The following OPCML variants were observed in gnomAD, a reference collection of about 807,000 sequenced individuals.
The protein encoded by OPCML is opioid binding protein/cell adhesion molecule like.
Under a neutral mutation model 37.8 loss-of-function variants are expected in OPCML, and 13 were observed. The ratio of observed to expected loss-of-function variants is 0.34; its 90% CI spans 0.22 to 0.55. The LOEUF is 0.55. Ranked by LOEUF, OPCML falls within the 20% of genes least tolerant of loss-of-function variation. The pLI, the probability that OPCML is intolerant of heterozygous loss-of-function variation, is 0.91. For missense variants in OPCML, 341 were observed against 435.6 expected (o/e 0.78, Z 1.93); for synonymous variants, 176 against 168.8 (o/e 1.04, Z -0.33).
intron 1 of OPCML, chr11:133,422,641 A>C: frequency 1.0e-6 from 1 of 978,712 alleles, no homozygotes; most frequent in Non-Finnish European, 1.2e-6. Flanking sequence ...ATGGGTGTGA[A>C]CCACTGAGCC....
chr11:132,421,174 G>C (rs2095957670), intron 7 of OPCML, among the ~76,000 whole-genome samples: 1 of 152,184 alleles, frequency 6.6e-6, no homozygotes, highest in African/African-American at 2.4e-5. Context: ...ACTTGGACCA[G>C]GTGTTCCTCC....
intron 2 of OPCML, among the ~76,000 whole-genome samples, chr11:132,782,917 G>GTGTC (rs376141259): frequency 1.8e-4 from 22 of 125,080 alleles, no homozygotes; most frequent in African/African-American, 5.8e-4. Context: ...TATAGTGTGT[G>GTGTC]TATATATATA....
intron 1 of OPCML, among the ~76,000 whole-genome samples, chr11:133,346,988 A>G (rs1212099800): frequency 1.3e-5 from 2 of 152,212 alleles, no homozygotes; most frequent in Admixed American, 6.5e-5. Context: ...ACAGTTTCAC[A>G]TTATCTTAAA....
chr11:133,352,964 C>T (rs1166850313), intron 1 of OPCML, among the ~76,000 whole-genome samples: 1 of 152,182 alleles, frequency 6.6e-6, no homozygotes, highest in East Asian at 1.9e-4. Context: ...GATAATGATA[C>T]ATTAAATTAG....
At chr11:133,325,417 G>A (rs1943427323) in intron 1 of OPCML, among the ~76,000 whole-genome samples, 1 of 152,104 alleles carries the variant, frequency 6.6e-6, no homozygotes, top group South Asian at 2.1e-4. Flanking sequence ...CAACTAGCAA[G>A]TGGAAACAAT....
intron 1 of OPCML, among the ~76,000 whole-genome samples, chr11:133,472,073 G>C (rs1490413815): frequency 6.6e-6 from 1 of 152,134 alleles, no homozygotes; most frequent in East Asian, 1.9e-4. Flanking sequence ...AGAATGAAAA[G>C]TTAAGTTTGA....
rs1728735846 is a variant in OPCML, at chr11:133,293,285, G to A, written c.61+238979C>T. Among the ~76,000 whole-genome samples, 3 of 152,098 alleles carry A rather than the reference G, an allele frequency of 2.0e-5. No individual in the cohort carries two copies. The South Asian group carries it at 6.2e-4, about 32-fold the overall frequency. On this transcript the variant is annotated intron_variant, in intron 1 of 7. Transcript: ENST00000524381. ...ATTTTCTTTCCATCATCCTGGAGATGCACACCCTCTGTGACCTAGGAGGTT... is the reference window on the plus strand; with the variant it reads ...ATTTTCTTTCCATCATCCTGGAGATACACACCCTCTGTGACCTAGGAGGTT...
At chr11:132,787,026 C>T (rs951535254) in intron 2 of OPCML, among the ~76,000 whole-genome samples, 1 of 152,166 alleles carries the variant, frequency 6.6e-6, no homozygotes, top group African/African-American at 2.4e-5. Flanking sequence ...CAGATGGAGC[C>T]ACACCCCTGA....
At chr11:133,026,834 G>A (rs1486523688) in intron 1 of OPCML, among the ~76,000 whole-genome samples, 1 of 152,148 alleles carries the variant, frequency 6.6e-6, no homozygotes, top group Admixed American at 6.5e-5. Context: ...GATTTCTAAT[G>A]CATTCTTTTT....
intron 1 of OPCML, chr11:133,361,739 GGC>G (rs1298751313): frequency 1.3e-5 from 2 of 154,310 alleles, no homozygotes; most frequent in Non-Finnish European, 2.9e-5. Context: ...CACCCCTGCA[GGC>G]CCGCAGCCGC....
chr11:133,007,641 A>C (rs948653344), intron 1 of OPCML: 4 of 985,272 alleles, frequency 4.1e-6, no homozygotes, highest in Non-Finnish European at 4.8e-6. Flanking sequence ...TTGCATTTTT[A>C]TTCTCTTTCA....
chr11:132,431,723 C>T (rs1475009451), intron 7 of OPCML, among the ~76,000 whole-genome samples: 1 of 152,138 alleles, frequency 6.6e-6, no homozygotes, highest in Non-Finnish European at 1.5e-5. Flanking sequence ...TTCCTTTGCT[C>T]TTTGCTTGTA....
intron 1 of OPCML, among the ~76,000 whole-genome samples, chr11:133,247,501 A>T (rs190791829): frequency 5.4e-4 from 78 of 145,214 alleles, no homozygotes; most frequent in Non-Finnish European, 9.8e-4. Context: ...GTCTTAAAGA[A>T]TAACTGAAGT....
intron 1 of OPCML, among the ~76,000 whole-genome samples, chr11:133,337,254 G>A (rs1055504541): frequency 6.6e-6 from 1 of 152,230 alleles, no homozygotes; most frequent in Non-Finnish European, 1.5e-5. Context: ...CCTGTCACCT[G>A]TGCAGACCTC....
At position 132,436,883 on chromosome 11, in the gene OPCML, A is replaced by T. The variant is rs995446403; in HGVS notation, c.644-104T>A. 17 of 1,496,910 alleles carry T rather than the reference A, an allele frequency of 1.1e-5. No individual in the cohort carries two copies. The African/African-American group carries it at 1.8e-4, about 16-fold the overall frequency. 92.7% of individuals were successfully genotyped at this position (1,496,910 alleles called of 1,614,324 possible). The stretch of plus-strand genomic sequence containing the variant: ...GCACATCCAGCCATTTGCTATGTAA[A>T]TGGATTTCTTGTGACAACCCTCTTT... On this transcript the variant is annotated intron_variant, in intron 5 of 7. Transcript: ENST00000524381.
At chr11:132,827,148 A>G (rs1216621601) in intron 2 of OPCML, among the ~76,000 whole-genome samples, 1 of 152,110 alleles carries the variant, frequency 6.6e-6, no homozygotes, top group Admixed American at 6.6e-5. Context: ...ATGGGAGAAA[A>G]TGTCTGCAAA....
At chr11:133,041,599 C>T (rs954183595) in intron 1 of OPCML, among the ~76,000 whole-genome samples, 7 of 152,182 alleles carry the variant, frequency 4.6e-5, no homozygotes, top group African/African-American at 1.7e-4. Context: ...GTCGCATATA[C>T]CCTTTGCTCT....
intron 3 of OPCML, among the ~76,000 whole-genome samples, chr11:132,584,113 C>T (rs1008675901): frequency 6.6e-6 from 1 of 151,784 alleles, no homozygotes; most frequent in African/African-American, 2.4e-5. Flanking sequence ...TAAGCCAGGG[C>T]CATTTAAAAA....
intron 1 of OPCML, among the ~76,000 whole-genome samples, chr11:133,139,645 T>C (rs531472934): frequency 6.6e-6 from 1 of 152,172 alleles, no homozygotes; most frequent in Non-Finnish European, 1.5e-5. Flanking sequence ...TATTCTTTAG[T>C]GGGAGTGGCT....
Sources: gnomAD v4.1 joint callset for allele counts (sites outside exome capture counted in the v4.1 genomes callset) on GRCh38, gnomAD v4.1.1 for gene constraint, MANE v1.5 for transcripts, NCBI Gene and HGNC (gene_info 2026-07-23, HGNC 2026-07-21) for gene names.